The following PPARD variants were observed in gnomAD, a reference collection of about 807,000 sequenced individuals.
PPARD encodes peroxisome proliferator activated receptor delta.
A neutral mutation model predicts 39.5 loss-of-function variants in PPARD; 6 were observed. The observed-to-expected ratio is 0.15, with a 90% confidence interval of 0.08 to 0.30. PPARD has a LOEUF of 0.30. Among genes scored for constraint, PPARD ranks in the 10% least tolerant of loss-of-function variants. PPARD has a pLI of 1.00. For missense variants in PPARD, 397 were observed against 596.8 expected, an observed-to-expected ratio of 0.67 and a Z score of 3.49; for synonymous variants, 210 against 231.3, an observed-to-expected ratio of 0.91 and a Z score of 0.83.
intron 2 of PPARD, among the ~76,000 whole-genome samples, chr6:35,364,976 TG>T (rs1762121695): frequency 6.6e-6 from 1 of 151,732 alleles, no homozygotes; most frequent in African/African-American, 2.4e-5. Context: ...CCCAAAGTGG[TG>T]GGATTACAGG....
At chr6:35,405,631 G>GGTT (rs990515841) in intron 2 of PPARD, among the ~76,000 whole-genome samples, 101 of 151,728 alleles carry the variant, frequency 6.7e-4, no homozygotes, top group African/African-American at 2.4e-3. Context: ...GCTGTATTGT[G>GGTT]GTTGTTGTTG....
intron 1 of PPARD, among the ~76,000 whole-genome samples, chr6:35,344,759 C>A (rs1286286129): frequency 1.3e-5 from 2 of 152,088 alleles, no homozygotes; most frequent in Non-Finnish European, 2.9e-5. Flanking sequence ...AAGGAACCAG[C>A]TTGACCAGAC....
intron 2 of PPARD, among the ~76,000 whole-genome samples, chr6:35,356,237 G>A (rs1409506777): frequency 6.6e-6 from 1 of 152,182 alleles, no homozygotes; most frequent in East Asian, 1.9e-4. Flanking sequence ...AGGACCACTT[G>A]ATCCTTATCA....
chr6:35,368,311 A>C (rs1023534511), intron 2 of PPARD, among the ~76,000 whole-genome samples: 5 of 152,202 alleles, frequency 3.3e-5, no homozygotes, highest in Admixed American at 2.0e-4. Flanking sequence ...TTCTGCGCTT[A>C]GTGGCCTTTT....
intron 5 of PPARD, 25 bp downstream of exon 5, chr6:35,421,983 C>A (rs752156599): frequency 6.3e-7 from 1 of 1,579,976 alleles, no homozygotes; most frequent in Middle Eastern, 1.7e-4. Flanking sequence ...GGGCAACTCA[C>A]GGGCTGCTGG....
chr6:35,409,484 G>A (rs754437191), intron 2 of PPARD, among the ~76,000 whole-genome samples: 2 of 151,990 alleles, frequency 1.3e-5, no homozygotes, highest in South Asian at 4.2e-4. Context: ...CAGCCTAGGC[G>A]ACAGAGTGAG....
chr6:35,348,806 G>C (rs76344961), intron 2 of PPARD: 11,503 of 985,350 alleles, frequency 0.012, 141 homozygotes, highest in African/African-American at 0.054. Context: ...AGGAAGAAGG[G>C]GGGAGTTTCA....
intron 2 of PPARD, among the ~76,000 whole-genome samples, chr6:35,351,261 G>A (rs917416507): frequency 5.3e-5 from 8 of 151,920 alleles, no homozygotes; most frequent in Non-Finnish European, 1.2e-4. Context: ...TCCTGACCTC[G>A]TGATTCACCC....
At chr6:35,398,273 G>A (rs759868462) in intron 2 of PPARD, among the ~76,000 whole-genome samples, 1 of 152,166 alleles carries the variant, frequency 6.6e-6, no homozygotes, top group Admixed American at 6.5e-5. Context: ...AGTAATCCAG[G>A]CAGGAGATGG....
At chr6:35,380,251 C>G (rs1452395143) in intron 2 of PPARD, among the ~76,000 whole-genome samples, 1 of 152,158 alleles carries the variant, frequency 6.6e-6, no homozygotes, top group Non-Finnish European at 1.5e-5. Context: ...CAGACTCCTT[C>G]CAATTCTGTG....
intron 1 of PPARD, among the ~76,000 whole-genome samples, 173 bp downstream of exon 1, chr6:35,342,854 C>T (rs1449703742): frequency 6.6e-6 from 1 of 152,316 alleles, no homozygotes; most frequent in South Asian, 2.1e-4. Flanking sequence ...CCGGCCCGCT[C>T]CGGTCAGCCG....
At chr6:35,419,267 G>C (rs1043224260) in intron 3 of PPARD, among the ~76,000 whole-genome samples, 1 of 152,138 alleles carries the variant, frequency 6.6e-6, no homozygotes, top group African/African-American at 2.4e-5. Context: ...CTTTGGGCTA[G>C]GAGTCAGGAA....
chr6:35,356,062 A>G (rs746876335), intron 2 of PPARD, among the ~76,000 whole-genome samples: 34 of 152,228 alleles, frequency 2.2e-4, no homozygotes, highest in Non-Finnish European at 4.3e-4. Context: ...TAAGTTCTCC[A>G]CAGCTAATGG....
rs1453603997 is a variant in PPARD, at chr6:35,349,133, C to G, written c.-102+1983C>G. 5 of 677,088 alleles carry G rather than the reference C, an allele frequency of 7.4e-6. No individual in the cohort carries two copies. The African/African-American group carries it at 9.8e-5, about 13-fold the overall frequency. 41.9% of individuals were successfully genotyped at this position (677,088 alleles called of 1,614,324 possible). ...CTCTGCCTCCTGGGTTCACACCATTCTCCTGCCTAAGCCTCCTGAGTAGCT... is the reference window on the plus strand; with the variant it reads ...CTCTGCCTCCTGGGTTCACACCATTGTCCTGCCTAAGCCTCCTGAGTAGCT... On this transcript the variant is annotated intron_variant, in intron 2 of 7. Transcript: ENST00000360694.
rs10539871 is a variant in PPARD at position 35,399,399 on chromosome 6, C to CA, written c.-101-11568dup. On this transcript the variant is annotated intron_variant, in intron 2 of 7. Transcript: ENST00000360694. ...TGGACGACAAAGTGAGACTCTGTCT[C>CA]AAAAAAAAAAAAAAAAAAAACAAAG... 1.7e-3 allele frequency among the ~76,000 whole-genome samples: 167 copies of CA among 95,442 alleles called. 1 individual carries two copies. Among genetic ancestry groups the CA allele is most frequent in the Non-Finnish European group, 2.3e-3 (108 of 46,878 alleles). 62.6% of individuals were successfully genotyped at this position (95,442 alleles called of 152,430 possible).
intron 1 of PPARD, among the ~76,000 whole-genome samples, 177 bp downstream of exon 1, chr6:35,342,858 T>G (rs1194386660): frequency 2.0e-5 from 3 of 152,136 alleles, no homozygotes; most frequent in Non-Finnish European, 4.4e-5. Context: ...CCCGCTCCGG[T>G]CAGCCGTCGT....
intron 2 of PPARD, chr6:35,348,568 T>C: frequency 2.0e-6 from 2 of 985,450 alleles, no homozygotes; most frequent in Non-Finnish European, 2.4e-6. Context: ...TGATTTGTTT[T>C]AATCTCTGAA....
chr6:35,357,886 C>T (rs1761712057), intron 2 of PPARD, among the ~76,000 whole-genome samples: 1 of 152,136 alleles, frequency 6.6e-6, no homozygotes, highest in African/African-American at 2.4e-5. Context: ...AGACCCTGGC[C>T]TGGGGACGCT....
chr6:35,362,768 AGG>A (rs900025470), intron 2 of PPARD, among the ~76,000 whole-genome samples: 1 of 152,118 alleles, frequency 6.6e-6, no homozygotes, highest in African/African-American at 2.4e-5. Context: ...CTGGAGAATA[AGG>A]GGCCCAGATA....
Sources: gnomAD v4.1 joint callset for allele counts (sites outside exome capture counted in the v4.1 genomes callset) on GRCh38, gnomAD v4.1.1 for gene constraint, MANE v1.5 for transcripts, NCBI Gene and HGNC (gene_info 2026-07-23, HGNC 2026-07-21) for gene names.